CTNND2: variants seen among roughly 807,000 people sequenced by gnomAD.
The protein encoded by CTNND2 is catenin delta-2.
Under a neutral mutation model 144.4 loss-of-function variants are expected in CTNND2, and 22 were observed. The ratio of observed to expected loss-of-function variants is 0.15; its 90% CI spans 0.11 to 0.22. CTNND2 has a LOEUF of 0.22. Among genes scored for constraint, CTNND2 ranks in the 10% least tolerant of loss-of-function variants. CTNND2 has a pLI of 1.00. For synonymous variants in CTNND2, 751 were observed against 695.6 expected (o/e 1.08, Z -1.25); for missense variants, 1,353 against 1,618.8 (o/e 0.84, Z 2.82).
chr5:11,263,709 C>A (rs774368031), intron 9 of CTNND2, among the ~76,000 whole-genome samples: 1 of 152,158 alleles, frequency 6.6e-6, no homozygotes, highest in Admixed American at 6.5e-5. Context: ...TTTACAGTTA[C>A]TGTGTGTATC....
At chr5:11,729,594 T>C (rs1018688673) in intron 2 of CTNND2, among the ~76,000 whole-genome samples, 2 of 152,200 alleles carry the variant, frequency 1.3e-5, no homozygotes, top group African/African-American at 4.8e-5. Context: ...TTTCAACTCT[T>C]CACCAAGCCA....
chr5:11,701,010 T>A (rs1245630326), intron 2 of CTNND2, among the ~76,000 whole-genome samples: 1 of 152,206 alleles, frequency 6.6e-6, no homozygotes, highest in African/African-American at 2.4e-5. Context: ...CAAAGGGCAG[T>A]TATTTTATTA....
At chr5:11,295,910 G>T (rs1229930656) in intron 9 of CTNND2, among the ~76,000 whole-genome samples, 1 of 152,070 alleles carries the variant, frequency 6.6e-6, no homozygotes, top group African/African-American at 2.4e-5. Context: ...TACCATTCAG[G>T]ACATAGGCAT....
intron 3 of CTNND2, among the ~76,000 whole-genome samples, chr5:11,550,990 C>T (rs1275505915): frequency 1.3e-5 from 2 of 152,154 alleles, no homozygotes; most frequent in Non-Finnish European, 1.5e-5. Flanking sequence ...TGGAAGCCCT[C>T]GTTACCTTGG....
chr5:10,990,847 C>T (rs1379812594), intron 19 of CTNND2, among the ~76,000 whole-genome samples: 10 of 152,180 alleles, frequency 6.6e-5, no homozygotes, highest in Non-Finnish European at 1.5e-4. Context: ...CACAGCCCTG[C>T]CTGCTCGCGA....
At chr5:11,861,525 C>T (rs563443960) in intron 1 of CTNND2, among the ~76,000 whole-genome samples, 1 of 152,316 alleles carries the variant, frequency 6.6e-6, no homozygotes, top group East Asian at 1.9e-4. Context: ...GATCACCTCT[C>T]TCGCCATCTC....
intron 11 of CTNND2, among the ~76,000 whole-genome samples, chr5:11,183,925 CTT>C (rs1338916482): frequency 6.6e-6 from 1 of 152,114 alleles, no homozygotes; most frequent in East Asian, 1.9e-4. Context: ...CCCTCTTTCT[CTT>C]TCTCTCAAAC....
intron 3 of CTNND2, among the ~76,000 whole-genome samples, chr5:11,558,341 CGTGT>C (rs59741742): frequency 0.025 from 3,245 of 132,166 alleles, 95 homozygotes; most frequent in African/African-American, 0.075. Flanking sequence ...GTGAGAAACA[CGTGT>C]GTGTGTGTGT....
At chr5:11,863,530 C>A (rs1795602383) in intron 1 of CTNND2, among the ~76,000 whole-genome samples, 1 of 152,160 alleles carries the variant, frequency 6.6e-6, no homozygotes, top group South Asian at 2.1e-4. Flanking sequence ...ATTATAGATG[C>A]TTGGATATGT....
chr5:11,215,633 T>A (rs540012563), intron 10 of CTNND2, among the ~76,000 whole-genome samples: 45 of 152,354 alleles, frequency 3.0e-4, no homozygotes, highest in African/African-American at 1.0e-3. Flanking sequence ...ATTCAAAATC[T>A]TCACATTCTG....
chr5:11,803,363 G>A (rs147787379), intron 1 of CTNND2, among the ~76,000 whole-genome samples: 69 of 152,184 alleles, frequency 4.5e-4, no homozygotes, highest in Admixed American at 1.1e-3. Context: ...CACAAGAGGG[G>A]TCACTGAGAA....
intron 8 of CTNND2, among the ~76,000 whole-genome samples, chr5:11,357,447 A>G (rs1004988208): frequency 2.0e-5 from 3 of 152,156 alleles, no homozygotes; most frequent in Admixed American, 6.5e-5. Context: ...CAAATACCAC[A>G]GGATCTCACT....
At chr5:11,301,577 A>G (rs1420505399) in intron 9 of CTNND2, among the ~76,000 whole-genome samples, 1 of 152,166 alleles carries the variant, frequency 6.6e-6, no homozygotes, top group Non-Finnish European at 1.5e-5. Context: ...TGACCCCCAA[A>G]ATATCAAACA....
chr5:11,407,766 A>G (rs1334606297), intron 5 of CTNND2, among the ~76,000 whole-genome samples: 1 of 148,918 alleles, frequency 6.7e-6, no homozygotes, highest in African/African-American at 2.4e-5. Flanking sequence ...ATAATCACTG[A>G]CTGGCAGAAT....
At chr5:11,469,402 T>C (rs552741453) in intron 3 of CTNND2, among the ~76,000 whole-genome samples, 2 of 152,306 alleles carry the variant, frequency 1.3e-5, no homozygotes, top group South Asian at 2.1e-4. Context: ...TAAATCGATA[T>C]GCAAGAGAGT....
intron 2 of CTNND2, among the ~76,000 whole-genome samples, chr5:11,678,441 C>A (rs961841712): frequency 2.0e-5 from 3 of 152,112 alleles, no homozygotes; most frequent in African/African-American, 7.2e-5. Context: ...AGCAATCCAT[C>A]ACCTAGATAG....
At chr5:11,418,557 G>A (rs1762093059) in intron 3 of CTNND2, among the ~76,000 whole-genome samples, 1 of 152,172 alleles carries the variant, frequency 6.6e-6, no homozygotes, top group Non-Finnish European at 1.5e-5. Flanking sequence ...TGCCTTACAA[G>A]AAGTTTATGG....
chr5:11,113,598 G>GA (rs1236956865), intron 13 of CTNND2, among the ~76,000 whole-genome samples: 18 of 150,564 alleles, frequency 1.2e-4, no homozygotes, highest in Non-Finnish European at 2.5e-4. Context: ...AACAATGATG[G>GA]AAAAAAAAAT....
chr5:11,433,530 T>G (rs1365059033), intron 3 of CTNND2, among the ~76,000 whole-genome samples: 1 of 152,136 alleles, frequency 6.6e-6, no homozygotes, highest in Non-Finnish European at 1.5e-5. Flanking sequence ...ACAGGAAGCA[T>G]GGTGGTGTCT....
Sources: allele counts gnomAD v4.1 joint callset (sites outside exome capture counted in the v4.1 genomes callset), GRCh38; gene constraint gnomAD v4.1.1; transcripts MANE v1.5; gene names NCBI Gene and HGNC (gene_info 2026-07-23, HGNC 2026-07-21).